Variants in ZDHHC21 observed in about 807,000 individuals in gnomAD.
The protein encoded by ZDHHC21 is zDHHC palmitoyltransferase 21, also known as palmitoyltransferase ZDHHC21.
In ZDHHC21, 15 loss-of-function variants were observed where a neutral mutation model predicts 34.6. The observed-to-expected ratio is 0.43, with a 90% CI of 0.29 to 0.67. The LOEUF is 0.67. Among genes scored for constraint, ZDHHC21 ranks in the 30% least tolerant of loss-of-function variants. The pLI is 0.14. For missense variants in ZDHHC21, 344 were observed against 327.7 expected (o/e 1.05, Z -0.38); for synonymous variants, 142 against 101.8 (o/e 1.40, Z -2.38).
rs903250253 is a variant in ZDHHC21, at chr9:14,613,011, T to C, written c.*5955A>G. The C allele has an allele frequency of 3.9e-5, 6 of 151,902 alleles. No individual in the cohort carries two copies. Among genetic ancestry groups the C allele is most frequent in the Non-Finnish European group, 8.8e-5 (6 of 67,860 alleles). The allele number at this position is 151,902 out of a possible 1,614,324, so 9.4% of individuals were successfully genotyped here. On this transcript the variant is annotated 3_prime_UTR_variant, in exon 10 of 10. Transcript: ENST00000380916. ...ATTAGAGTTCTTACCTTTTTATTCA[T>C]TGTTGCAGAAATAAAACAACTTGTG...
intron 8 of ZDHHC21, among the ~76,000 whole-genome samples, chr9:14,631,336 C>T (rs1827307064): frequency 6.6e-6 from 1 of 152,232 alleles, no homozygotes; most frequent in African/African-American, 2.4e-5. Flanking sequence ...CCAGCTTCCT[C>T]ACCTCTTACA....
At chr9:14,662,564 C>G (rs1327436514) in intron 5 of ZDHHC21, among the ~76,000 whole-genome samples, 1 of 152,058 alleles carries the variant, frequency 6.6e-6, no homozygotes, top group African/African-American at 2.4e-5. Context: ...TTGTTATAGT[C>G]AAAGTAAGAG....
At chr9:14,631,525 A>G (rs1827344829) in intron 8 of ZDHHC21, among the ~76,000 whole-genome samples, 1 of 152,200 alleles carries the variant, frequency 6.6e-6, no homozygotes, top group South Asian at 2.1e-4. Context: ...ATTTCCTTCA[A>G]AAACTTTTCC....
intron 7 of ZDHHC21, among the ~76,000 whole-genome samples, chr9:14,643,535 T>C (rs1312505003): frequency 6.6e-6 from 1 of 152,232 alleles, no homozygotes; most frequent in Non-Finnish European, 1.5e-5. Context: ...TAGTCCAATG[T>C]ATCAATCTTT....
intron 7 of ZDHHC21, among the ~76,000 whole-genome samples, chr9:14,648,277 CT>C (rs1430676512): frequency 6.6e-6 from 1 of 151,956 alleles, no homozygotes; most frequent in African/African-American, 2.4e-5. Context: ...AGCTGGTCTT[CT>C]TGCTATTATC....
Position 14,675,110 on chromosome 9 carries a change from T to A in ZDHHC21, c.-45-725A>T, listed in dbSNP as rs186641097. On this transcript the variant is annotated intron_variant, in intron 3 of 9. Transcript: ENST00000380916. ...CCCAACAAATCTCATTATGATCAAC[T>A]GAAGAAGACTCCTGTTTAAATGAGG... is the stretch of plus-strand genomic sequence containing the variant. 2.0e-5 allele frequency among the ~76,000 whole-genome samples: 3 copies of A among 152,108 alleles called. No individual in the cohort carries two copies. In the East Asian group the frequency reaches 5.8e-4, roughly 29 times the overall value.
chr9:14,670,722 TCA>T (rs1453860510), intron 5 of ZDHHC21, among the ~76,000 whole-genome samples: 2 of 152,064 alleles, frequency 1.3e-5, no homozygotes, highest in South Asian at 2.1e-4. Context: ...CTGTAAAAAC[TCA>T]CAGTTTCACA....
At chr9:14,650,324 A>G (rs1374572985) in intron 7 of ZDHHC21, among the ~76,000 whole-genome samples, 1 of 152,004 alleles carries the variant, frequency 6.6e-6, no homozygotes, top group Non-Finnish European at 1.5e-5. Context: ...AGGAACAAAA[A>G]AGCCAAATTA....
At chr9:14,671,497 G>A (rs1835427906) in intron 5 of ZDHHC21, among the ~76,000 whole-genome samples, 1 of 152,050 alleles carries the variant, frequency 6.6e-6, no homozygotes, top group African/African-American at 2.4e-5. Flanking sequence ...ATGTAAGAGG[G>A]AGGATCAAAC....
intron 8 of ZDHHC21, among the ~76,000 whole-genome samples, chr9:14,632,931 T>A (rs1300068878): frequency 6.6e-6 from 1 of 152,188 alleles, no homozygotes; most frequent in Non-Finnish European, 1.5e-5. Context: ...TCACCAAGGC[T>A]GTAGAGGAAT....
chr9:14,678,318 C>A (rs750831818), intron 3 of ZDHHC21, among the ~76,000 whole-genome samples: 2 of 151,782 alleles, frequency 1.3e-5, no homozygotes, highest in Non-Finnish European at 2.9e-5. Context: ...ATCTGAAGCC[C>A]AAAACACATG....
chr9:14,603,901 G>A, the ZDHHC21 span, among the ~76,000 whole-genome samples: 1 of 152,116 alleles, frequency 6.6e-6, no homozygotes, highest in Admixed American at 6.5e-5. Context: ...CGTAGATGTT[G>A]ACTCATCCCT....
chr9:14,619,874 T>TCAAACCTATTCAA (rs1824977805), intron 8 of ZDHHC21, among the ~76,000 whole-genome samples, 192 bp from the exon 9 acceptor site: 2 of 96,072 alleles, frequency 2.1e-5, no homozygotes, highest in South Asian at 7.7e-4. Flanking sequence ...AAATCAACAT[T>TCAAACCTATTCAA]ATACTATGCA....
intron 2 of ZDHHC21, among the ~76,000 whole-genome samples, chr9:14,686,133 A>G (rs1230159799): frequency 6.6e-6 from 1 of 152,152 alleles, no homozygotes; most frequent in Non-Finnish European, 1.5e-5. Flanking sequence ...CAGCAAATCA[A>G]CATGGCACAT....
intron 7 of ZDHHC21, among the ~76,000 whole-genome samples, chr9:14,644,795 T>TAC (rs1231630173): frequency 2.7e-5 from 4 of 149,574 alleles, no homozygotes; most frequent in Non-Finnish European, 5.9e-5. Flanking sequence ...TGGGAGTTTA[T>TAC]ATATATACAC....
At chr9:14,666,064 A>G (rs943028254) in intron 5 of ZDHHC21, among the ~76,000 whole-genome samples, 105 of 150,478 alleles carry the variant, frequency 7.0e-4, no homozygotes, top group Middle Eastern at 3.4e-3. Flanking sequence ...AAATTGGATA[A>G]AGAGTCAAGA....
chr9:14,674,156 T>C (rs376163915), intron 4 of ZDHHC21, 31 bp downstream of exon 4: 1 of 1,429,048 alleles, frequency 7.0e-7, no homozygotes, highest in African/African-American at 1.5e-5. Context: ...GAAAAATAAT[T>C]ATACAAGAAA....
the ZDHHC21 span, chr9:14,593,930 G>A: frequency 6.6e-6 from 1 of 152,298 alleles, no homozygotes; most frequent in South Asian, 2.1e-4. Context: ...AGCAGGAGGG[G>A]ATGTACCCTG....
At chr9:14,596,396 AGTGT>A in the ZDHHC21 span, among the ~76,000 whole-genome samples, 2 of 152,216 alleles carry the variant, frequency 1.3e-5, no homozygotes, top group Non-Finnish European at 2.9e-5. Context: ...GCCCTGAAGG[AGTGT>A]GTGTAAGATG....
Sources: gnomAD v4.1 joint callset for allele counts (sites outside exome capture counted in the v4.1 genomes callset) on GRCh38, gnomAD v4.1.1 for gene constraint, MANE v1.5 for transcripts, NCBI Gene and HGNC (gene_info 2026-07-23, HGNC 2026-07-21) for gene names.